Variants in VGLL4 observed in about 807,000 individuals in gnomAD.
VGLL4 encodes the protein vestigial like family member 4, also known as transcription cofactor vestigial-like protein 4.
In VGLL4, 7 loss-of-function variants were observed where a neutral mutation model predicts 21.0. That is an observed-to-expected ratio of 0.33 (90% CI 0.19 to 0.63). The LOEUF (loss-of-function observed/expected upper bound fraction) is 0.63, where lower values mean the gene tolerates loss of function less well. Among genes scored for constraint, VGLL4 ranks in the 20% least tolerant of loss-of-function variants. The probability of loss-of-function intolerance (pLI) is 0.78; values close to 1 mark genes in which losing one functional copy is unlikely to be tolerated. For missense variants in VGLL4, 394 were observed against 425.7 expected, an observed-to-expected ratio of 0.93 and a Z score of 0.66; for synonymous variants, 222 against 173.2, an observed-to-expected ratio of 1.28 and a Z score of -2.21.
At chr3:11,639,233 C>T (rs2075642556) in intron 1 of VGLL4, among the ~76,000 whole-genome samples, 1 of 152,240 alleles carries the variant, frequency 6.6e-6, no homozygotes, top group South Asian at 2.1e-4. Flanking sequence ...TTGAGGAAAG[C>T]CCGTGGTCTA....
upstream of VGLL4, among the ~76,000 whole-genome samples, chr3:11,647,989 T>TAAA (rs11408793): frequency 2.6e-3 from 376 of 147,370 alleles, 2 homozygotes; most frequent in Middle Eastern, 0.018. Flanking sequence ...AGCTCATCCA[T>TAAA]AAAAAAAAAA....
chr3:11,644,079 C>T (rs192191724), upstream of VGLL4, among the ~76,000 whole-genome samples: 270 of 152,232 alleles, frequency 1.8e-3, no homozygotes, highest in Non-Finnish European at 3.1e-3. Flanking sequence ...ACTCTAGAGA[C>T]GGGGCCTTGG....
At chr3:11,586,900 T>C (rs1474256534) in intron 2 of VGLL4, among the ~76,000 whole-genome samples, 1 of 152,174 alleles carries the variant, frequency 6.6e-6, no homozygotes, top group East Asian at 1.9e-4. Flanking sequence ...AATATGTTAG[T>C]TTCAAATATT....
intron 2 of VGLL4, among the ~76,000 whole-genome samples, chr3:11,687,873 TTG>T (rs557489353): frequency 5.3e-4 from 80 of 152,270 alleles, no homozygotes; most frequent in African/African-American, 1.9e-3. Flanking sequence ...GCTACTTGAG[TTG>T]TGTCTTGCTC....
intron 2 of VGLL4, among the ~76,000 whole-genome samples, chr3:11,670,289 T>C (rs531148761): frequency 4.8e-4 from 73 of 152,290 alleles, no homozygotes; most frequent in African/African-American, 2.4e-4. Flanking sequence ...GAAGTCTACG[T>C]TGGAAAACCT....
chr3:11,612,101 G>A (rs1457152407), intron 1 of VGLL4: 1 of 152,088 alleles, frequency 6.6e-6, no homozygotes, highest in East Asian at 1.9e-4. Context: ...AACATCTATT[G>A]TGAATATACA....
intron 1 of VGLL4, among the ~76,000 whole-genome samples, chr3:11,716,302 C>G (rs1179834826): frequency 1.6e-5 from 1 of 61,014 alleles, no homozygotes; most frequent in Non-Finnish European, 4.2e-5. Context: ...AACTCTGTCT[C>G]AAAAAAAAAA....
At chr3:11,615,080 A>G (rs2075136805) in intron 1 of VGLL4, among the ~76,000 whole-genome samples, 1 of 152,212 alleles carries the variant, frequency 6.6e-6, no homozygotes, top group Admixed American at 6.5e-5. Context: ...TATTTCACCC[A>G]TAAATACTTA....
rs774225342 is a variant in VGLL4 at position 11,582,326 on chromosome 3, C to A, written c.273-17307G>T. Reference sequence around the variant, plus strand: ...GCCAAAGAGCATGAAGACAGCCCAGCGTCCTCCCACAAGAAAGCCTTGGGC... The same window carrying A: ...GCCAAAGAGCATGAAGACAGCCCAGAGTCCTCCCACAAGAAAGCCTTGGGC... On this transcript the variant is annotated intron_variant, in intron 2 of 4. Transcript: ENST00000430365. The A allele has an allele frequency of 3.1e-6, 5 of 1,594,920 alleles. No individual in the cohort carries two copies. In the South Asian group the frequency reaches 5.7e-5, roughly 18 times the overall value.
chr3:11,562,354 T>C (rs1284073583), intron 3 of VGLL4, among the ~76,000 whole-genome samples: 1 of 152,164 alleles, frequency 6.6e-6, no homozygotes, highest in Non-Finnish European at 1.5e-5. Flanking sequence ...GGAACTTTCC[T>C]GTCCCAGTTC....
intron 1 of VGLL4, among the ~76,000 whole-genome samples, chr3:11,620,329 G>A (rs1006405959): frequency 1.3e-5 from 2 of 152,142 alleles, no homozygotes; most frequent in African/African-American, 4.8e-5. Flanking sequence ...ATGGTGAAGG[G>A]TCAGCAGGAG....
At chr3:11,681,304 C>T (rs142714094) in intron 2 of VGLL4, among the ~76,000 whole-genome samples, 9 of 152,154 alleles carry the variant, frequency 5.9e-5, no homozygotes, top group Admixed American at 4.6e-4. Flanking sequence ...TCACCATGTT[C>T]GGCAAGATGG....
At chr3:11,596,125 G>A (rs2074634517) in intron 2 of VGLL4, among the ~76,000 whole-genome samples, 1 of 152,146 alleles carries the variant, frequency 6.6e-6, no homozygotes, top group Non-Finnish European at 1.5e-5. Context: ...GAACAAGACA[G>A]GGTAGGGAGT....
intron 2 of VGLL4, among the ~76,000 whole-genome samples, chr3:11,594,304 A>G (rs6794414): frequency 0.14 from 20,728 of 152,240 alleles, 1,834 homozygotes; most frequent in East Asian, 0.25. Flanking sequence ...CACAAACTCA[A>G]TTTTTGCTTT....
chr3:11,668,934 G>A (rs62245809), intron 2 of VGLL4, among the ~76,000 whole-genome samples: 31,013 of 152,124 alleles, frequency 0.2, 3,298 homozygotes, highest in South Asian at 0.34. Flanking sequence ...GCCAGGGTTC[G>A]TGCTGTTTCA....
intron 1 of VGLL4, among the ~76,000 whole-genome samples, chr3:11,716,407 G>T (rs922868599): frequency 3.3e-5 from 5 of 152,122 alleles, no homozygotes; most frequent in Non-Finnish European, 7.3e-5. Flanking sequence ...AGAAGGCAGG[G>T]TAGTGCCTTG....
At chr3:11,636,703 A>G (rs559546098) in intron 1 of VGLL4, among the ~76,000 whole-genome samples, 5 of 152,312 alleles carry the variant, frequency 3.3e-5, no homozygotes. Flanking sequence ...CCCATGTTGC[A>G]TTCTCCAAAA....
In VGLL4 at chr3:11,558,461, A is replaced by AC; in HGVS notation, c.*94dup. 88 of 568,468 alleles carry AC rather than the reference A, an allele frequency of 1.5e-4. No homozygotes were observed. The highest frequency in any genetic ancestry group is 2.2e-4 in the South Asian group (10 of 46,460). The allele number at this position is 568,468 out of a possible 1,614,324, so 35.2% of individuals were successfully genotyped here. A position where few individuals can be genotyped will look rare whatever the true frequency, so the allele number is the denominator to read the frequency against. ...ATAAACCATCCCTTCCCTTCCCCCC[A>AC]CCCCACCCCCATGATTTTTTTTTTT... On this transcript the variant is annotated 3_prime_UTR_variant, in exon 5 of 5. Transcript: ENST00000430365.
At chr3:11,682,148 AATC>A (rs2076381421) in intron 2 of VGLL4, among the ~76,000 whole-genome samples, 1 of 152,200 alleles carries the variant, frequency 6.6e-6, no homozygotes, top group African/African-American at 2.4e-5. Context: ...TCACGCCTGT[AATC>A]CTAGCACTTT....
Sources: gnomAD v4.1 joint callset for allele counts (sites outside exome capture counted in the v4.1 genomes callset) on GRCh38, gnomAD v4.1.1 for gene constraint, MANE v1.5 for transcripts, NCBI Gene and HGNC (gene_info 2026-07-23, HGNC 2026-07-21) for gene names.